PCDH7: variants seen among roughly 807,000 people sequenced by gnomAD.
PCDH7 encodes the protein protocadherin 7.
A neutral mutation model predicts 58.9 loss-of-function variants in PCDH7; 17 were observed. That is an observed-to-expected ratio of 0.29 (90% CI 0.20 to 0.43). The LOEUF is 0.43. PCDH7 is among the 20% of genes least tolerant of loss of function. PCDH7 has a pLI of 1.00. For missense variants in PCDH7, 1,274 were observed against 1,441.0 expected, an observed-to-expected ratio of 0.88 and a Z score of 1.88; for synonymous variants, 664 against 616.4, an observed-to-expected ratio of 1.08 and a Z score of -1.14.
At position 30,814,843 on chromosome 4, in the gene PCDH7, A is replaced by AT. The variant is rs576331361; in HGVS notation, c.70+90253dup. ...AAGAATGTAAGAGTGAATTAGAGTC[A>AT]TTTTTTCCCCATAATTTTTATTAAA... On this transcript the variant is annotated intron_variant, in intron 1 of 3. Transcript: ENST00000509759. 8.7e-4 allele frequency among the ~76,000 whole-genome samples: 132 copies of AT among 152,196 alleles called. 3 individuals carry two copies. Among genetic ancestry groups the AT allele is most frequent in the Non-Finnish European group, 2.5e-4 (17 of 67,996 alleles).
At chr4:30,823,937 CCTCATCAAA>C (rs1728694226) in intron 1 of PCDH7, among the ~76,000 whole-genome samples, 1 of 152,000 alleles carries the variant, frequency 6.6e-6, no homozygotes, top group Non-Finnish European at 1.5e-5. Context: ...TCCTTTTATT[CCTCATCAAA>C]TTTGGAATAA....
At chr4:30,966,368 T>C (rs1256141361) in intron 3 of PCDH7, among the ~76,000 whole-genome samples, 1 of 152,156 alleles carries the variant, frequency 6.6e-6, no homozygotes, top group Non-Finnish European at 1.5e-5. Context: ...CAAAAATATA[T>C]TCTTTTGATT....
At chr4:30,871,184 A>G (rs969086593) in intron 1 of PCDH7, among the ~76,000 whole-genome samples, 1 of 152,108 alleles carries the variant, frequency 6.6e-6, no homozygotes, top group Admixed American at 6.6e-5. Flanking sequence ...CTTATTAGTT[A>G]CTGTGGTTAA....
At chr4:31,108,440 G>T (rs151025339) in intron 3 of PCDH7, among the ~76,000 whole-genome samples, 3 of 145,438 alleles carry the variant, frequency 2.1e-5, no homozygotes, top group African/African-American at 7.7e-5. Flanking sequence ...AAAAAGAGAC[G>T]GGGGAAACGA....
At chr4:30,806,367 C>T (rs1489543856) in intron 1 of PCDH7, among the ~76,000 whole-genome samples, 1 of 151,936 alleles carries the variant, frequency 6.6e-6, no homozygotes, top group African/African-American at 2.4e-5. Flanking sequence ...TGCAGTTGCA[C>T]AATCTTGGCT....
intron 3 of PCDH7, among the ~76,000 whole-genome samples, chr4:31,069,636 A>G (rs73117120): frequency 1.3e-5 from 2 of 152,170 alleles, no homozygotes; most frequent in African/African-American, 4.8e-5. Flanking sequence ...TTAAATGATG[A>G]TAAAAGTTTG....
intron 3 of PCDH7, among the ~76,000 whole-genome samples, chr4:31,031,486 A>G (rs1754913884): frequency 6.6e-6 from 1 of 152,194 alleles, no homozygotes; most frequent in Admixed American, 6.5e-5. Flanking sequence ...TGCCTGAGGT[A>G]TAGATTATGT....
chr4:31,096,931 T>C (rs954512391), intron 3 of PCDH7, among the ~76,000 whole-genome samples: 1 of 143,698 alleles, frequency 7.0e-6, no homozygotes, highest in Non-Finnish European at 1.5e-5. Context: ...GTGTGTGTTG[T>C]GAATAAGATT....
At chr4:30,893,194 T>C (rs1021088915) in intron 1 of PCDH7, among the ~76,000 whole-genome samples, 14 of 152,248 alleles carry the variant, frequency 9.2e-5, no homozygotes, top group African/African-American at 2.4e-4. Flanking sequence ...ACAAATTAGC[T>C]ATTTTCCATG....
chr4:31,116,290 G>A (rs918905050), intron 3 of PCDH7, among the ~76,000 whole-genome samples: 4 of 152,202 alleles, frequency 2.6e-5, no homozygotes, highest in African/African-American at 9.6e-5. Context: ...TTTACCAAAA[G>A]TGGATTTGGT....
chr4:31,021,004 C>G (rs1182925079), intron 3 of PCDH7, among the ~76,000 whole-genome samples: 1 of 152,088 alleles, frequency 6.6e-6, no homozygotes, highest in Non-Finnish European at 1.5e-5. Context: ...AAAATATTTC[C>G]TATGTTTACA....
intron 3 of PCDH7, among the ~76,000 whole-genome samples, chr4:30,992,612 G>T (rs1053090027): frequency 3.3e-5 from 5 of 151,942 alleles, no homozygotes; most frequent in Admixed American, 6.6e-5. Context: ...AATAGACCTC[G>T]TAAATCATCT....
At chr4:31,088,369 G>A (rs887005962) in intron 3 of PCDH7, among the ~76,000 whole-genome samples, 6 of 151,994 alleles carry the variant, frequency 3.9e-5, no homozygotes, top group Non-Finnish European at 8.8e-5. Context: ...TACAAGCTAC[G>A]TGAAGAGCAG....
chr4:30,823,665 C>A (rs1483126661), intron 1 of PCDH7, among the ~76,000 whole-genome samples: 1 of 151,988 alleles, frequency 6.6e-6, no homozygotes, highest in African/African-American at 2.4e-5. Flanking sequence ...TTCTTGAAAT[C>A]ATATTATGGA....
intron 3 of PCDH7, among the ~76,000 whole-genome samples, chr4:31,005,644 G>A (rs1752709445): frequency 6.6e-6 from 1 of 152,086 alleles, no homozygotes; most frequent in Non-Finnish European, 1.5e-5. Flanking sequence ...TTGAGAATCG[G>A]ATGAAAGATT....
Position 30,722,218 on chromosome 4 carries a change from C to T in PCDH7, c.796C>T (p.Leu266=). Residue 266 remains leucine, a synonymous_variant, in exon 1 of 2, where the codon CTG becomes TTG. Transcript: ENST00000361762. The surrounding 1 kb of genome is among the most constrained non-coding windows in gnomAD (Gnocchi z 7.6). ...GCCGCAGCTGATCGTGAAGGGGGCG[C>T]TGGACCGCGAGCAGCGCGACTCCTA... The T allele has an allele frequency of 6.3e-7, 1 of 1,590,770 alleles. No individual in the cohort carries two copies. The highest frequency in any genetic ancestry group is 8.6e-7 in the Non-Finnish European group (1 of 1,169,542).
At chr4:30,998,021 G>A (rs1254797846) in intron 3 of PCDH7, among the ~76,000 whole-genome samples, 5 of 152,084 alleles carry the variant, frequency 3.3e-5, no homozygotes, top group Non-Finnish European at 7.4e-5. Flanking sequence ...GCAAAAGAGG[G>A]AATCAAAGTA....
At chr4:30,846,845 CA>C (rs532560964) in intron 1 of PCDH7, among the ~76,000 whole-genome samples, 62 of 152,146 alleles carry the variant, frequency 4.1e-4, no homozygotes, top group African/African-American at 1.4e-3. Context: ...AGGATGCAGC[CA>C]GGGGCAGTGG....
intron 3 of PCDH7, among the ~76,000 whole-genome samples, chr4:31,000,404 G>C (rs1752268095): frequency 6.6e-6 from 1 of 151,966 alleles, no homozygotes; most frequent in Non-Finnish European, 1.5e-5. Flanking sequence ...TCAATTACAA[G>C]GTATATCTTA....
Sources: allele counts gnomAD v4.1 joint callset (sites outside exome capture counted in the v4.1 genomes callset), GRCh38; gene constraint gnomAD v4.1.1; non-coding constraint Gnocchi (gnomAD v3.1); transcripts MANE v1.5; gene names NCBI Gene and HGNC (gene_info 2026-07-23, HGNC 2026-07-21).